LUC7L3: variants seen among roughly 807,000 people sequenced by gnomAD.
The protein encoded by LUC7L3 is LUC7 like 3 pre-mRNA splicing factor, also known as luc7-like protein 3.
Under a neutral mutation model 66.8 loss-of-function variants are expected in LUC7L3, and 6 were observed. That is an observed-to-expected ratio of 0.09 (90% CI 0.05 to 0.18). The LOEUF is 0.18. Ranked by LOEUF, LUC7L3 falls within the 10% of genes least tolerant of loss-of-function variation. LUC7L3 has a pLI of 1.00. For missense variants in LUC7L3, 341 were observed against 531.1 expected, an observed-to-expected ratio of 0.64 and a Z score of 3.52; for synonymous variants, 160 against 174.7, an observed-to-expected ratio of 0.92 and a Z score of 0.66.
chr17:50,741,099 C>T lies in LUC7L3; in HGVS notation c.207-3C>T. On this transcript the variant is annotated splice_region_variant and splice_polypyrimidine_tract_variant and intron_variant, in intron 3 of 9. Coordinates refer to ENST00000505658, the MANE Select transcript of LUC7L3 (RefSeq NM_016424.5). ...GAGTACTTGTTTATTTTCATGTTAC[C>T]AGGTATGAGAAGAGCTCTCGTTTCA... 1 of 1,613,618 alleles carries T rather than the reference C, an allele frequency of 6.2e-7. No individual in the cohort carries two copies.
rs1459106116 is a variant in LUC7L3, at chr17:50,750,946, C to T, written c.*285C>T. The T allele has an allele frequency of 1.3e-6, 2 of 1,507,394 alleles. No individual in the cohort carries two copies. The highest frequency in any genetic ancestry group is 1.8e-6 in the Non-Finnish European group (2 of 1,133,984). 93.4% of individuals were successfully genotyped at this position (1,507,394 alleles called of 1,614,324 possible). On this transcript the variant is annotated 3_prime_UTR_variant, in exon 10 of 10. Transcript: ENST00000505658. Reference sequence around the variant, plus strand: ...ATCGCCCACATTTGTAATATAGTCGCCATTGAAAAGTTAATTATCCTTTTT... The same window carrying T: ...ATCGCCCACATTTGTAATATAGTCGTCATTGAAAAGTTAATTATCCTTTTT...
At chr17:50,725,515 CT>C (rs919640356) in intron 1 of LUC7L3, among the ~76,000 whole-genome samples, 143 of 151,714 alleles carry the variant, frequency 9.4e-4, no homozygotes, top group African/African-American at 3.2e-3. Flanking sequence ...AGTAAATGCA[CT>C]TTTTTTTTCC....
rs1294275896 is a variant in LUC7L3, at chr17:50,737,269, G to GA, written c.166+250dup. On this transcript the variant is annotated intron_variant, in intron 2 of 9. Coordinates refer to ENST00000505658, the MANE Select transcript of LUC7L3 (RefSeq NM_016424.5). Reference sequence around the variant, plus strand: ...CTCCCTCCCAAAACTCCACTTAAATGAAAAAAATTTTAAAAAGATGTATTT... The same window carrying GA: ...CTCCCTCCCAAAACTCCACTTAAATGAAAAAAAATTTTAAAAAGATGTATTT... The GA allele has an allele frequency of 9.8e-6, 6 of 612,552 alleles. No individual in the cohort carries two copies. In the Admixed American group the frequency reaches 1.1e-4, roughly 11 times the overall value. The allele number at this position is 612,552 out of a possible 1,614,324, so 37.9% of individuals were successfully genotyped here.
At chr17:50,731,425 C>G (rs1440928053) in intron 1 of LUC7L3, among the ~76,000 whole-genome samples, 3 of 152,172 alleles carry the variant, frequency 2.0e-5, no homozygotes. Context: ...GCCTCCGCCT[C>G]CCAAAGTGCT....
intron 9 of LUC7L3, among the ~76,000 whole-genome samples, chr17:50,749,060 A>C (rs1356811649): frequency 1.3e-5 from 2 of 152,144 alleles, no homozygotes; most frequent in Non-Finnish European, 2.9e-5. Context: ...AGTTTATCTT[A>C]CTCCACAAAT....
intron 1 of LUC7L3, among the ~76,000 whole-genome samples, chr17:50,729,582 A>G (rs1344595565): frequency 1.3e-5 from 2 of 152,010 alleles, no homozygotes; most frequent in African/African-American, 4.8e-5. Flanking sequence ...TCACACACCC[A>G]CACTCACCCA....
At chr17:50,738,634 G>C (rs1254548035) in intron 2 of LUC7L3, among the ~76,000 whole-genome samples, 1 of 152,118 alleles carries the variant, frequency 6.6e-6, no homozygotes, top group Non-Finnish European at 1.5e-5. Context: ...AAAATCACCA[G>C]AAAGATTTGA....
intron 1 of LUC7L3, among the ~76,000 whole-genome samples, chr17:50,734,442 C>T (rs1969846654): frequency 6.6e-6 from 1 of 152,228 alleles, no homozygotes; most frequent in South Asian, 2.1e-4. Flanking sequence ...GCTGGGATTA[C>T]AGGTGTGAGC....
intron 1 of LUC7L3, among the ~76,000 whole-genome samples, chr17:50,726,513 A>G (rs968876203): frequency 2.0e-5 from 3 of 152,154 alleles, no homozygotes; most frequent in Non-Finnish European, 2.9e-5. Context: ...CCTGAGACCC[A>G]TACGAAGTGC....
In LUC7L3 at chr17:50,744,195, G is replaced by C. The variant is rs79632215; in HGVS notation, c.531+385G>C. ...TAAATATCTAATTCTTTTAATTGGAGAATAGAATATACTTGTTTCAGATAC... is the reference window on the plus strand; with the variant it reads ...TAAATATCTAATTCTTTTAATTGGACAATAGAATATACTTGTTTCAGATAC... On this transcript the variant is annotated intron_variant, in intron 6 of 9. Coordinates refer to ENST00000505658, the MANE Select transcript of LUC7L3 (RefSeq NM_016424.5). Among the ~76,000 whole-genome samples the C allele has an allele frequency of 3.8e-3, 578 of 152,272 alleles. 4 individuals carry two copies. Among genetic ancestry groups the C allele is most frequent in the African/African-American group, 0.013 (558 of 41,540 alleles).
chr17:50,745,568 C>G, intron 7 of LUC7L3, 152 bp from the exon 8 acceptor site: 1 of 568,372 alleles, frequency 1.8e-6, no homozygotes, highest in Non-Finnish European at 3.1e-6. Context: ...AATAATGATA[C>G]CTTGTGTATA....
intron 1 of LUC7L3, among the ~76,000 whole-genome samples, chr17:50,734,962 C>T (rs1026208462): frequency 1.2e-4 from 19 of 152,004 alleles, no homozygotes; most frequent in African/African-American, 3.6e-4. Flanking sequence ...CGTCTGAGCG[C>T]GGTGAGGCCT....
Position 50,719,796 on chromosome 17 carries a change from G to A in LUC7L3, c.64G>A (p.Glu22Lys). The A allele has an allele frequency of 6.2e-7, 1 of 1,612,476 alleles. No individual in the cohort carries two copies. Among genetic ancestry groups the A allele is most frequent in the Non-Finnish European group, 8.5e-7 (1 of 1,179,356 alleles). The change falls in exon 1 of 10, where the codon GAG becomes AAG. Residue 22 changes from glutamate (E) to lysine (K), a missense_variant. Around this residue, in one of 6 missense-constraint regions of LUC7L3, gnomAD observed 9 missense variants for 37.9 expected, o/e 0.24. Transcript: ENST00000505658. The part of the protein sequence containing the change: ...MGRDRNLAPD[E>K]KRSNVRWDHE... ...CCGGGACCGAAACCTAGCCCCGGACGAGAAGCGCAGCAACGTGCGGTGGGA... is the reference window on the plus strand; with the variant it reads ...CCGGGACCGAAACCTAGCCCCGGACAAGAAGCGCAGCAACGTGCGGTGGGA...
intron 1 of LUC7L3, chr17:50,723,001 A>G (rs1385917124): frequency 6.6e-6 from 1 of 152,248 alleles, no homozygotes; most frequent in South Asian, 2.1e-4. Context: ...TGATGAGGAA[A>G]GCATGTGATT....
intron 1 of LUC7L3, among the ~76,000 whole-genome samples, chr17:50,727,236 T>C (rs1969256424): frequency 6.6e-6 from 1 of 152,180 alleles, no homozygotes; most frequent in Admixed American, 6.6e-5. Context: ...TCTTAGTTGT[T>C]ATAAAGGAAT....
chr17:50,745,808 G>T lies in LUC7L3; in HGVS notation c.782G>T (p.Arg261Leu). ...GAAAGAGAAGAAAGAGAAAAAGAACGGGAGAGAGAAAGGGAAGAAAGAGAA... is the reference window on the plus strand; with the variant it reads ...GAAAGAGAAGAAAGAGAAAAAGAACTGGAGAGAGAAAGGGAAGAAAGAGAA... ...KQEREEREKE[R>L]EREREERERK... The change falls in exon 8 of 10, where the codon CGG (arginine) becomes CTG (leucine). Residue 261 changes from arginine (R) to leucine (L), a missense_variant. Arg to Leu is a moderately radical substitution (Grantham distance 102, BLOSUM62 -2). This residue lies in a region of LUC7L3 where 210 missense variants were observed against 238.1 expected (regional missense o/e 0.88). Coordinates refer to ENST00000505658, the MANE Select transcript of LUC7L3 (RefSeq NM_016424.5). 6.3e-7 allele frequency: 1 copy of T among 1,590,520 alleles called. No individual in the cohort carries two copies. The highest frequency in any genetic ancestry group is 2.3e-5 in the East Asian group (1 of 44,374).
In LUC7L3 at chr17:50,741,114, C is replaced by T. The variant is rs181060394; in HGVS notation, c.219C>T (p.Ser73=). 6.2e-7 allele frequency: 1 copy of T among 1,614,062 alleles called. No individual in the cohort carries two copies. The highest frequency in any genetic ancestry group is 8.5e-7 in the Non-Finnish European group (1 of 1,179,956). The change falls in exon 4 of 10, where the codon AGC becomes AGT. Residue 73 remains serine (S), a synonymous_variant. Coordinates refer to ENST00000505658, the MANE Select transcript of LUC7L3 (RefSeq NM_016424.5). ...DENLRKQYEK[S]SRFMKVGYER... ...TTCATGTTACCAGGTATGAGAAGAG[C>T]TCTCGTTTCATGAAAGTTGGCTATG...
At chr17:50,749,470 T>C in intron 9 of LUC7L3, 2 of 813,934 alleles carry the variant, frequency 2.5e-6, no homozygotes, top group South Asian at 2.0e-5. Context: ...CTAAATATGC[T>C]CTTTTACATA....
intron 1 of LUC7L3, among the ~76,000 whole-genome samples, chr17:50,734,890 G>A (rs554930103): frequency 9.2e-5 from 14 of 152,068 alleles, no homozygotes; most frequent in African/African-American, 1.4e-4. Flanking sequence ...TTGTAAAAAT[G>A]GGAAATATAA....
Sources: allele counts gnomAD v4.1 joint callset (sites outside exome capture counted in the v4.1 genomes callset), GRCh38; gene constraint gnomAD v4.1.1; regional missense constraint gnomAD v4.1.1; transcripts MANE v1.5; gene names NCBI Gene and HGNC (gene_info 2026-07-23, HGNC 2026-07-21).